IGSF11: variants seen among roughly 807,000 people sequenced by gnomAD.
IGSF11 encodes immunoglobulin superfamily member 11.
In IGSF11, 22 loss-of-function variants were observed where a neutral mutation model predicts 41.0. That is an observed-to-expected ratio of 0.54 (90% CI 0.38 to 0.77). The LOEUF (loss-of-function observed/expected upper bound fraction) is 0.77. Among genes scored for constraint, IGSF11 ranks in the 30% least tolerant of loss-of-function variants. IGSF11 has a pLI of 0.00. For missense variants in IGSF11, 444 were observed against 530.8 expected (o/e 0.84, Z 1.61); for synonymous variants, 219 against 201.3 (o/e 1.09, Z -0.74).
intron 1 of IGSF11, chr3:118,943,052 C>T (rs1215794327): frequency 6.6e-6 from 1 of 152,234 alleles, no homozygotes; most frequent in East Asian, 1.9e-4. Flanking sequence ...CTGGTCATCA[C>T]AACATTCCAT....
intron 1 of IGSF11, among the ~76,000 whole-genome samples, chr3:119,012,564 C>A (rs966706188): frequency 6.6e-6 from 1 of 152,144 alleles, no homozygotes; most frequent in Non-Finnish European, 1.5e-5. Context: ...GGCTATAATT[C>A]GGTCTCAATA....
At chr3:119,036,697 C>CAA (rs59651814), upstream of IGSF11, among the ~76,000 whole-genome samples, 5 of 147,532 alleles carry the variant, frequency 3.4e-5, no homozygotes, top group East Asian at 8.0e-4. Context: ...AAGGTTAAAC[C>CAA]AAAAAAAAAA....
chr3:119,036,920 G>A (rs1241393633), upstream of IGSF11, among the ~76,000 whole-genome samples: 3 of 152,166 alleles, frequency 2.0e-5, no homozygotes, highest in South Asian at 4.1e-4. Flanking sequence ...AAGGGAGAGT[G>A]AGGATGATCA....
intron 1 of IGSF11, among the ~76,000 whole-genome samples, chr3:119,084,847 G>A (rs558818837): frequency 6.6e-6 from 1 of 152,290 alleles, no homozygotes; most frequent in Admixed American, 6.5e-5. Flanking sequence ...GGTGTTCCAG[G>A]GTTGTGGCCA....
chr3:119,075,665 G>T (rs1297776878), intron 1 of IGSF11, among the ~76,000 whole-genome samples: 1 of 152,124 alleles, frequency 6.6e-6, no homozygotes, highest in Admixed American at 6.5e-5. Flanking sequence ...ATGCAAGATT[G>T]GTTCAACATA....
intron 1 of IGSF11, among the ~76,000 whole-genome samples, chr3:119,060,345 G>A (rs898512491): frequency 3.3e-5 from 5 of 152,078 alleles, no homozygotes; most frequent in African/African-American, 1.2e-4. Context: ...CAACATCCAA[G>A]AAAAGAGTCA....
At chr3:119,122,764 C>A (rs577089748) in intron 1 of IGSF11, among the ~76,000 whole-genome samples, 1 of 152,156 alleles carries the variant, frequency 6.6e-6, no homozygotes, top group Admixed American at 6.5e-5. Flanking sequence ...ATACCCTAGG[C>A]CAGAAGTGAA....
At chr3:119,054,875 G>T (rs980556561) in intron 1 of IGSF11, among the ~76,000 whole-genome samples, 34 of 151,100 alleles carry the variant, frequency 2.3e-4, no homozygotes, top group Non-Finnish European at 1.2e-4. Context: ...CGGGCAGACT[G>T]CCTCCTCAAG....
chr3:119,074,934 C>G (rs1274985154), intron 1 of IGSF11, among the ~76,000 whole-genome samples: 1 of 151,832 alleles, frequency 6.6e-6, no homozygotes, highest in Non-Finnish European at 1.5e-5. Flanking sequence ...ACTAGAAAAA[C>G]AAGAGCAAAC....
At chr3:119,053,620 C>T (rs541647720) in intron 1 of IGSF11, among the ~76,000 whole-genome samples, 2 of 152,048 alleles carry the variant, frequency 1.3e-5, no homozygotes, top group Non-Finnish European at 1.5e-5. Context: ...CAATGCAATG[C>T]CCATCAAAAT....
At chr3:118,925,600 A>G (rs1456951507) in intron 4 of IGSF11, among the ~76,000 whole-genome samples, 1 of 152,118 alleles carries the variant, frequency 6.6e-6, no homozygotes, top group African/African-American at 2.4e-5. Flanking sequence ...GTCTTCCTCC[A>G]TTATTACCTG....
chr3:119,114,897 TG>T (rs1359906674), intron 1 of IGSF11, among the ~76,000 whole-genome samples: 1 of 152,158 alleles, frequency 6.6e-6, no homozygotes, highest in Non-Finnish European at 1.5e-5. Context: ...GAAACATGGC[TG>T]GGGAGGCCTC....
Position 118,981,380 on chromosome 3 carries a change from C to T in IGSF11, c.53-51105G>A, listed in dbSNP as rs547258305. ...TAGAGATGGGGTTTCACCATGTTGG[C>T]TCAAACTCCTGACCTCAAGTGATCT... On this transcript the variant is annotated intron_variant, in intron 1 of 6. Transcript: ENST00000393775. Among the ~76,000 whole-genome samples, 180 of 152,250 alleles carry T rather than the reference C, an allele frequency of 1.2e-3. 1 individual carries two copies. In the Middle Eastern group the frequency reaches 0.024, roughly 20 times the overall value.
At chr3:118,903,668 T>A (rs560675570) in intron 6 of IGSF11, among the ~76,000 whole-genome samples, 4 of 152,224 alleles carry the variant, frequency 2.6e-5, no homozygotes, top group Non-Finnish European at 5.9e-5. Context: ...TTATTTAATT[T>A]AAGATGCTAA....
At chr3:119,014,844 T>G (rs1254578549) in intron 1 of IGSF11, among the ~76,000 whole-genome samples, 1 of 152,198 alleles carries the variant, frequency 6.6e-6, no homozygotes, top group East Asian at 1.9e-4. Context: ...AGGAAGCCAC[T>G]GTAAGCGGAA....
chr3:118,962,988 AG>A (rs1175104932), intron 1 of IGSF11, among the ~76,000 whole-genome samples: 1 of 152,182 alleles, frequency 6.6e-6, no homozygotes, highest in African/African-American at 2.4e-5. Context: ...TCTTTACAAA[AG>A]CAATTGCCAA....
chr3:119,071,882 G>C (rs2076405184), intron 1 of IGSF11, among the ~76,000 whole-genome samples: 1 of 152,108 alleles, frequency 6.6e-6, no homozygotes, highest in Non-Finnish European at 1.5e-5. Flanking sequence ...CAAAACAGCT[G>C]GAATTTTGAC....
chr3:119,133,279 G>A (rs1237419253), intron 1 of IGSF11, among the ~76,000 whole-genome samples: 1 of 152,142 alleles, frequency 6.6e-6, no homozygotes, highest in Non-Finnish European at 1.5e-5. Flanking sequence ...GAATCCAGGA[G>A]CTGGTTTTTT....
At chr3:119,107,935 C>G (rs1465341135), upstream of IGSF11, among the ~76,000 whole-genome samples, 2 of 148,882 alleles carry the variant, frequency 1.3e-5, no homozygotes, top group Middle Eastern at 3.5e-3. Flanking sequence ...CTGTTCTGTT[C>G]CATTGATCTA....
Sources: allele counts gnomAD v4.1 joint callset (sites outside exome capture counted in the v4.1 genomes callset), GRCh38; gene constraint gnomAD v4.1.1; transcripts MANE v1.5; gene names NCBI Gene and HGNC (gene_info 2026-07-23, HGNC 2026-07-21).